The following RPS6KC1 variants were observed in gnomAD, a reference collection of about 807,000 sequenced individuals.
RPS6KC1 encodes inactive ribosomal protein S6 kinase delta-1.
In RPS6KC1, 54 loss-of-function variants were observed where a neutral mutation model predicts 103.8. That is an observed-to-expected ratio of 0.52 (90% CI 0.42 to 0.65). The LOEUF is 0.65. Ranked by LOEUF, RPS6KC1 falls within the 30% of genes least tolerant of loss-of-function variation. RPS6KC1 has a pLI of 0.00. For missense variants in RPS6KC1, 1,151 were observed against 1,253.8 expected, an observed-to-expected ratio of 0.92 and a Z score of 1.24; for synonymous variants, 439 against 438.7, an observed-to-expected ratio of 1.00 and a Z score of -0.01.
chr1:213,461,268 C>A, the RPS6KC1 span, among the ~76,000 whole-genome samples: 248 of 152,210 alleles, frequency 1.6e-3, 1 homozygote, highest in South Asian at 9.2e-3. Flanking sequence ...AACAACTGCT[C>A]AAGGAAATAA....
the RPS6KC1 span, among the ~76,000 whole-genome samples, chr1:213,666,020 T>C: frequency 1.3e-5 from 2 of 152,212 alleles, no homozygotes; most frequent in Non-Finnish European, 2.9e-5. Context: ...AAATATATAA[T>C]GTTATGCTAC....
the RPS6KC1 span, among the ~76,000 whole-genome samples, chr1:213,365,745 G>A: frequency 1.3e-5 from 2 of 152,128 alleles, no homozygotes; most frequent in Admixed American, 6.5e-5. Context: ...ATTCCACACC[G>A]ATGTTCTAGA....
the RPS6KC1 span, among the ~76,000 whole-genome samples, chr1:213,627,866 A>T: frequency 0.12 from 18,603 of 152,104 alleles, 1,597 homozygotes; most frequent in African/African-American, 0.25. Flanking sequence ...TTCATCAGGG[A>T]TATTGCTCTA....
chr1:213,102,806 G>A (rs1346881004), intron 3 of RPS6KC1, among the ~76,000 whole-genome samples: 2 of 152,124 alleles, frequency 1.3e-5, no homozygotes, highest in African/African-American at 4.8e-5. Flanking sequence ...TTAGAAAAAT[G>A]CACCTGTGTA....
the RPS6KC1 span, among the ~76,000 whole-genome samples, chr1:213,339,716 G>A: frequency 0.074 from 11,261 of 152,232 alleles, 495 homozygotes; most frequent in Middle Eastern, 0.11. Flanking sequence ...GGAAATTAAG[G>A]CTCACAGAGG....
chr1:213,809,822 A>G, the RPS6KC1 span, among the ~76,000 whole-genome samples: 2,417 of 152,274 alleles, frequency 0.016, 60 homozygotes, highest in African/African-American at 0.05. Context: ...ATCTGAATCC[A>G]CTGTCACCCT....
chr1:213,533,126 G>A, the RPS6KC1 span, among the ~76,000 whole-genome samples: 8 of 152,240 alleles, frequency 5.3e-5, no homozygotes, highest in South Asian at 2.1e-4. Flanking sequence ...ATTAGGAAAC[G>A]GTGGCAACAT....
At chr1:213,367,332 T>C in the RPS6KC1 span, among the ~76,000 whole-genome samples, 1 of 152,374 alleles carries the variant, frequency 6.6e-6, no homozygotes, top group East Asian at 1.9e-4. Flanking sequence ...AAGTCATGGC[T>C]ACCCCATCCT....
At chr1:213,408,910 G>A in the RPS6KC1 span, among the ~76,000 whole-genome samples, 4 of 152,130 alleles carry the variant, frequency 2.6e-5, no homozygotes, top group South Asian at 2.1e-4. Flanking sequence ...CTTACAGAAC[G>A]GTAGAGAACT....
the RPS6KC1 span, among the ~76,000 whole-genome samples, chr1:213,600,471 C>T: frequency 2.6e-5 from 4 of 152,258 alleles, no homozygotes; most frequent in South Asian, 8.3e-4. Flanking sequence ...TTTTTCTAAT[C>T]GGGCCTATAG....
At chr1:213,667,182 T>C in the RPS6KC1 span, among the ~76,000 whole-genome samples, 1 of 151,050 alleles carries the variant, frequency 6.6e-6, no homozygotes, top group South Asian at 2.1e-4. Context: ...TTGAGTAAAA[T>C]ACAAAAGAAA....
At chr1:213,140,052 G>A (rs1234882877) in intron 6 of RPS6KC1, among the ~76,000 whole-genome samples, 9 of 151,878 alleles carry the variant, frequency 5.9e-5, no homozygotes, top group African/African-American at 1.2e-4. Context: ...TGTAGAGATC[G>A]TTTACCTCCC....
At chr1:213,773,573 T>C in the RPS6KC1 span, among the ~76,000 whole-genome samples, 1 of 150,438 alleles carries the variant, frequency 6.6e-6, no homozygotes, top group African/African-American at 2.4e-5. Context: ...TATATGTATA[T>C]GTATCTATAT....
intron 12 of RPS6KC1, among the ~76,000 whole-genome samples, chr1:213,247,658 C>T (rs890801654): frequency 3.3e-5 from 5 of 152,082 alleles, no homozygotes; most frequent in Non-Finnish European, 7.4e-5. Flanking sequence ...TGCTTGACCT[C>T]GGGAAATTTA....
the RPS6KC1 span, among the ~76,000 whole-genome samples, chr1:213,843,061 A>C: frequency 6.6e-6 from 1 of 152,214 alleles, no homozygotes; most frequent in African/African-American, 2.4e-5. Context: ...TGCAGTCTTG[A>C]GTCTGAAATC....
At chr1:213,769,613 A>G in the RPS6KC1 span, among the ~76,000 whole-genome samples, 2 of 152,082 alleles carry the variant, frequency 1.3e-5, no homozygotes, top group African/African-American at 2.4e-5. Flanking sequence ...GCACAAGTCT[A>G]TCCAGGGAGC....
At chr1:213,769,519 G>GAT in the RPS6KC1 span, among the ~76,000 whole-genome samples, 2 of 149,352 alleles carry the variant, frequency 1.3e-5, no homozygotes, top group East Asian at 3.9e-4. Context: ...GAGATGGACA[G>GAT]AGAGAGAGAG....
the RPS6KC1 span, among the ~76,000 whole-genome samples, chr1:213,602,444 G>A: frequency 3.3e-5 from 5 of 151,438 alleles, no homozygotes; most frequent in Non-Finnish European, 7.4e-5. Flanking sequence ...CATTGCCCAG[G>A]CTGGTTTCAA....
the RPS6KC1 span, among the ~76,000 whole-genome samples, chr1:213,728,937 G>GTTGTTTTTTTT: frequency 1.1e-5 from 1 of 93,416 alleles, no homozygotes; most frequent in Non-Finnish European, 1.9e-5. Flanking sequence ...GAACATGAGG[G>GTTGTTTTTTTT]TTTTTTTTTT....
Sources: gnomAD v4.1 joint callset for allele counts (sites outside exome capture counted in the v4.1 genomes callset) on GRCh38, gnomAD v4.1.1 for gene constraint, MANE v1.5 for transcripts, NCBI Gene and HGNC (gene_info 2026-07-23, HGNC 2026-07-21) for gene names.